The following CTU2 variants were observed in gnomAD, a reference collection of about 807,000 sequenced individuals.
The protein encoded by CTU2 is cytoplasmic tRNA 2-thiolation protein 2.
CTU2 carries 80 observed loss-of-function variants against 64.1 expected under a neutral mutation model. That is an observed-to-expected ratio of 1.25 (90% CI 1.04 to 1.50). The LOEUF (loss-of-function observed/expected upper bound fraction) is 1.50. CTU2 is among the 40% of genes most tolerant of loss of function. The pLI is 0.00. For synonymous variants in CTU2, 482 were observed against 285.3 expected (o/e 1.69, Z -6.95); for missense variants, 1,110 against 690.2 (o/e 1.61, Z -6.81).
chr16:88,713,745 TC>T lies in CTU2; in HGVS notation c.974del (p.Pro325LeufsTer21), dbSNP rs776946986. Reference protein sequence around the residue: ...VAFYNRLFSVPSVFTPAVDTK... With the variant: ...VAFYNRLFSVXSVFTPAVDTK... ...CTTTCTACAACCGCCTGTTCTCCGTTCCTTCTGTCTTCACACCAGCCGTCGA... is the reference window on the plus strand; with the variant it reads ...CTTTCTACAACCGCCTGTTCTCCGTTCTTCTGTCTTCACACCAGCCGTCGA... On this transcript the variant is annotated frameshift_variant, in exon 9 of 15. Transcript: ENST00000453996. LOFTEE classifies it high-confidence loss of function. 6.2e-7 allele frequency: 1 copy of T among 1,612,700 alleles called. No homozygotes were observed. Among genetic ancestry groups the T allele is most frequent in the Admixed American group, 1.7e-5 (1 of 60,018 alleles).
chr16:88,706,880 C>CTTGGAAGCTGTCTCG, intron 1 of CTU2: 1 of 559,436 alleles, frequency 1.8e-6, no homozygotes, highest in African/African-American at 1.9e-5. Context: ...GTCTCGCCTC[C>CTTGGAAGCTGTCTCG]CCGTGTCAGC....
At chr16:88,707,424 C>T (rs897747648) in intron 2 of CTU2, among the ~76,000 whole-genome samples, 4 of 152,178 alleles carry the variant, frequency 2.6e-5, no homozygotes, top group African/African-American at 9.7e-5. Context: ...CCACAGATCC[C>T]CTGATGAGGT....
Position 88,713,334 on chromosome 16 carries a change from G to A in CTU2, c.760G>A (p.Ala254Thr), listed in dbSNP as rs753297177. 2 of 1,595,664 alleles carry A rather than the reference G, an allele frequency of 1.3e-6. No individual in the cohort carries two copies. Among genetic ancestry groups the A allele is most frequent in the African/African-American group, 1.4e-5 (1 of 72,110 alleles). Residue 254 changes from alanine (A) to threonine (T), a missense_variant, in exon 8 of 15, where the codon GCC becomes ACC. Transcript: ENST00000453996. ...TAGGACCCACCTGATCCTCCACATGGCCCGAGCCCACGGCTACTCCAAGGT... is the reference window on the plus strand; with the variant it reads ...TAGGACCCACCTGATCCTCCACATGACCCGAGCCCACGGCTACTCCAAGGT... ...TLRTHLILHM[A>T]RAHGYSKVMT... is the part of the protein sequence containing the mutation.
chr16:88,707,812 G>GTTGT (rs1555549837), intron 2 of CTU2, among the ~76,000 whole-genome samples: 4,907 of 144,696 alleles, frequency 0.034, 177 homozygotes, highest in African/African-American at 0.096. Flanking sequence ...TGTTGTTGTT[G>GTTGT]TTTTTTTTGA....
At chr16:88,710,663 CAG>C in intron 4 of CTU2, 1 of 235,002 alleles carries the variant, frequency 4.3e-6, no homozygotes, top group South Asian at 6.3e-5. Flanking sequence ...AAGCTGGGTC[CAG>C]AGTGCGTGTG....
At chr16:88,710,880 G>C (rs1244855747) in intron 4 of CTU2, 2 of 156,616 alleles carry the variant, frequency 1.3e-5, no homozygotes, top group Non-Finnish European at 2.8e-5. Flanking sequence ...CTGCACACAG[G>C]GCTCGGCTGG....
chr16:88,713,783 G>A lies in CTU2; in HGVS notation c.1005+5G>A. The stretch of plus-strand genomic sequence containing the variant: ...ACACCAGCCGTCGACACCAAGGTGG[G>A]CCTTGTGGGCTGGGCAACCTCTCTC... On this transcript the variant is annotated splice_donor_5th_base_variant and intron_variant, in intron 9 of 14. Transcript: ENST00000453996. 6.2e-7 allele frequency: 1 copy of A among 1,612,390 alleles called. No homozygotes were observed. Among genetic ancestry groups the A allele is most frequent in the Non-Finnish European group, 8.5e-7 (1 of 1,179,646 alleles).
intron 4 of CTU2, 45 bp from the exon 5 acceptor site, chr16:88,711,590 G>A (rs370620992): frequency 3.6e-5 from 55 of 1,545,552 alleles, no homozygotes; most frequent in Non-Finnish European, 4.7e-5. Flanking sequence ...AAAGTGTCCT[G>A]TGGCTTATGG....
rs199536062 is a variant in CTU2, at chr16:88,713,693, T to C, written c.920T>C (p.Met307Thr). The C allele has an allele frequency of 1.2e-6, 2 of 1,612,456 alleles. No individual in the cohort carries two copies. The highest frequency in any genetic ancestry group is 3.3e-5 in the Admixed American group (2 of 59,994). The change falls in exon 9 of 15, where the codon ATG becomes ACG. Residue 307 changes from methionine (M) to threonine (T), a missense_variant. Physicochemically the swap from Met to Thr is moderately conservative, Grantham distance 81. Transcript: ENST00000453996. ...RHGDVVVVRP[M>T]RDHTLKEVAF... Reference sequence around the variant, plus strand: ...GGGGACGTGGTGGTGGTGCGGCCCATGCGGGACCACACCCTGAAGGAGGTC... The same window carrying C: ...GGGGACGTGGTGGTGGTGCGGCCCACGCGGGACCACACCCTGAAGGAGGTC...
At position 88,715,246 on chromosome 16, in the gene CTU2, A is replaced by G. The variant is rs958514176; in HGVS notation, c.1543A>G (p.Ser515Gly). Residue 515 changes from serine to glycine, a missense_variant, in exon 15 of 15, where the codon AGC becomes GGC. Physicochemically the swap from Ser to Gly is moderately conservative, Grantham distance 56. Transcript: ENST00000453996. ...GGACAGTGACGACGAGGCGGGCCAGAGCTGAGCGTGAGGACGTGCTTGCCG... is the reference window on the plus strand; with the variant it reads ...GGACAGTGACGACGAGGCGGGCCAGGGCTGAGCGTGAGGACGTGCTTGCCG... ...IEDSDDEAGQ[S>G] The G allele has an allele frequency of 5.0e-6, 8 of 1,611,580 alleles. No individual in the cohort carries two copies. The highest frequency in any genetic ancestry group is 1.3e-5 in the African/African-American group (1 of 75,012).
At position 88,707,209 on chromosome 16, in the gene CTU2, A is replaced by G. The variant is rs1910937391; in HGVS notation, c.142A>G (p.Arg48Gly). 8.7e-6 allele frequency: 14 copies of G among 1,613,780 alleles called. No individual in the cohort carries two copies. Among genetic ancestry groups the G allele is most frequent in the Admixed American group, 1.7e-5 (1 of 60,012 alleles). The stretch of plus-strand genomic sequence containing the variant: ...GATACGAGCCGGAGATGCCTTCTGC[A>G]GGTGAGGCCTGGAGGTGGCTGAGAC... ...VVIRAGDAFC[R>G]DCFKAFYVHK... Residue 48 changes from arginine to glycine, a missense_variant and splice_region_variant, in exon 2 of 15, where the codon AGG becomes GGG. Arg to Gly is a moderately radical substitution (Grantham distance 125, BLOSUM62 -2). Coordinates refer to ENST00000453996, the MANE Select transcript of CTU2 (RefSeq NM_001012759.3).
rs1447304270 is a variant in CTU2, at chr16:88,709,962, C to T, written c.168C>T (p.Val56=). 1 of 1,614,006 alleles carries T rather than the reference C, an allele frequency of 6.2e-7. No homozygotes were observed. The highest frequency in any genetic ancestry group is 2.2e-5 in the East Asian group (1 of 44,888). The change falls in exon 3 of 15, where the codon GTC becomes GTT. Residue 56 remains valine (V), a synonymous_variant. Transcript: ENST00000453996. The part of the protein sequence containing the change: ...FCRDCFKAFY[V]HKFRAMLGKN... ...GGGACTGTTTCAAGGCCTTCTACGT[C>T]CACAAGTTCAGAGCCATGCTGGGCA...
rs536542259 is a variant in CTU2 at position 88,714,713 on chromosome 16, G to A, written c.1328G>A (p.Arg443His). The A allele has an allele frequency of 7.5e-6, 12 of 1,609,626 alleles. No homozygotes were observed. The East Asian group carries it at 1.1e-4, about 15-fold the overall frequency. The change falls in exon 12 of 15, where the codon CGC becomes CAC. Residue 443 changes from arginine (R) to histidine (H), a missense_variant. Arg to His is a conservative substitution (Grantham distance 29, BLOSUM62 0). Coordinates refer to ENST00000453996, the MANE Select transcript of CTU2 (RefSeq NM_001012759.3). Reference protein sequence around the residue: ...CCSPGVGWAQRCGQGACRRED... With the variant: ...CCSPGVGWAQHCGQGACRRED... ...TCTCCAGGGGTGGGCTGGGCCCAGC[G>A]CTGTGGCCAGGGGGCCTGCAGGAGG...
chr16:88,708,418 A>C (rs1443456248), intron 2 of CTU2, among the ~76,000 whole-genome samples: 4 of 151,526 alleles, frequency 2.6e-5, no homozygotes, highest in African/African-American at 9.8e-5. Context: ...CAGCATGTAC[A>C]CGTGGACCCA....
At chr16:88,710,679 G>A (rs1467299989) in intron 4 of CTU2, 3 of 204,494 alleles carry the variant, frequency 1.5e-5, no homozygotes, top group East Asian at 2.8e-4. Flanking sequence ...GCGTGTGTGC[G>A]GCCCACTTGA....
At chr16:88,714,993 G>T in intron 13 of CTU2, 55 bp from the exon 14 acceptor site, 1 of 1,596,834 alleles carries the variant, frequency 6.3e-7, no homozygotes. Context: ...CTCGTGGGTG[G>T]CTTGAGGGGG....
At chr16:88,711,924 C>T (rs1287280687) in intron 5 of CTU2, 4 of 604,296 alleles carry the variant, frequency 6.6e-6, no homozygotes, top group South Asian at 4.0e-5. Flanking sequence ...TAAGAACATC[C>T]TTAGAAAGTC....
At chr16:88,712,534 C>T (rs556816089) in intron 6 of CTU2, 88 bp from the exon 7 acceptor site, 46 of 1,531,678 alleles carry the variant, frequency 3.0e-5, no homozygotes, top group East Asian at 4.6e-5. Context: ...GCCTCACTGC[C>T]GTCTCCCGCA....
intron 2 of CTU2, among the ~76,000 whole-genome samples, chr16:88,708,456 A>T (rs563279100): frequency 6.6e-6 from 1 of 152,254 alleles, no homozygotes; most frequent in South Asian, 2.1e-4. Flanking sequence ...CTGGTGGTGT[A>T]GGGCGCAGAG....
Sources: gnomAD v4.1 joint callset for allele counts (sites outside exome capture counted in the v4.1 genomes callset) on GRCh38, gnomAD v4.1.1 for gene constraint, MANE v1.5 for transcripts, NCBI Gene and HGNC (gene_info 2026-07-23, HGNC 2026-07-21) for gene names.